Variants in TMCC3 observed in about 807,000 individuals in gnomAD.
The protein encoded by TMCC3 is transmembrane and coiled-coil domain protein 3.
Under a neutral mutation model 40.2 loss-of-function variants are expected in TMCC3, and 28 were observed. That is an observed-to-expected ratio of 0.70 (90% CI 0.52 to 0.95). The LOEUF (loss-of-function observed/expected upper bound fraction) is 0.95, where lower values mean the gene tolerates loss of function less well. Ranked by LOEUF, TMCC3 falls within the 40% of genes least tolerant of loss-of-function variation. The pLI is 0.00. For synonymous variants in TMCC3, 255 were observed against 248.5 expected (o/e 1.03, Z -0.25); for missense variants, 554 against 615.2 (o/e 0.90, Z 1.05).
intron 2 of TMCC3, among the ~76,000 whole-genome samples, chr12:94,580,489 C>T (rs2068593585): frequency 6.6e-6 from 1 of 152,132 alleles, no homozygotes; most frequent in African/African-American, 2.4e-5. Flanking sequence ...AATCCCAGCA[C>T]TTTGGGAGGA....
intron 1 of TMCC3, among the ~76,000 whole-genome samples, chr12:94,607,780 T>C (rs780458427): frequency 6.6e-5 from 10 of 152,240 alleles, no homozygotes; most frequent in Non-Finnish European, 1.3e-4. Flanking sequence ...GTACCCTTGA[T>C]TAATCTGACT....
chr12:94,600,102 C>G (rs757641835), intron 1 of TMCC3, among the ~76,000 whole-genome samples: 2 of 152,036 alleles, frequency 1.3e-5, no homozygotes, highest in Non-Finnish European at 2.9e-5. Context: ...TGCTTGGAAG[C>G]TTGTTTTTAC....
rs76331946 is a variant in TMCC3 at position 94,616,319 on chromosome 12, C to T, written c.79-33781G>A. The stretch of plus-strand genomic sequence containing the variant: ...CATTCAGTCTGGTACTCTCTCTTTA[C>T]CAATAAGGAAATGGGCTCGGCTCAA... On this transcript the variant is annotated intron_variant, in intron 1 of 3. Transcript: ENST00000261226. 457 of 153,992 alleles carry T rather than the reference C, an allele frequency of 3.0e-3. 3 individuals are homozygous for T. The highest frequency in any genetic ancestry group is 9.9e-3 in the African/African-American group (411 of 41,612). The allele number at this position is 153,992 out of a possible 1,614,324, so 9.5% of individuals were successfully genotyped here. A position where few individuals can be genotyped will look rare whatever the true frequency, so the allele number is the denominator to read the frequency against.
chr12:94,603,003 C>G (rs917756328), intron 1 of TMCC3, among the ~76,000 whole-genome samples: 43 of 152,320 alleles, frequency 2.8e-4, no homozygotes, highest in African/African-American at 9.4e-4. Flanking sequence ...GCATCCTGCA[C>G]GCAAAATGCC....
intron 1 of TMCC3, among the ~76,000 whole-genome samples, chr12:94,593,052 T>A (rs1346627109): frequency 6.6e-6 from 1 of 151,182 alleles, no homozygotes; most frequent in Non-Finnish European, 1.5e-5. Context: ...GAAAAATTAG[T>A]CAGGCATGGT....
rs1415372613 is a variant in TMCC3, at chr12:94,582,089, A to G, written c.528T>C (p.Thr176=). The G allele has an allele frequency of 2.5e-6, 4 of 1,614,196 alleles. No individual in the cohort carries two copies. Among genetic ancestry groups the G allele is most frequent in the Non-Finnish European group, 3.4e-6 (4 of 1,180,032 alleles). The change falls in exon 2 of 4, where the codon ACT becomes ACC. Residue 176 remains threonine (T), a synonymous_variant. Transcript: ENST00000261226. ...SLKDAHVKSR[T]APHCMESSKS... ...TGCTGCTCTCCATGCAATGGGGGGC[A>G]GTTCGAGATTTCACGTGGGCATCTT...
chr12:94,640,541 GAAT>G (rs930796191), intron 1 of TMCC3, among the ~76,000 whole-genome samples: 8 of 152,134 alleles, frequency 5.3e-5, no homozygotes, highest in African/African-American at 1.9e-4. Context: ...TATATAGCTA[GAAT>G]AATGACACTG....
intron 2 of TMCC3, among the ~76,000 whole-genome samples, chr12:94,579,446 G>T (rs2068587186): frequency 6.6e-6 from 1 of 152,224 alleles, no homozygotes. Context: ...GGTGGAGGCT[G>T]CAGTGAGCCC....
At chr12:94,587,782 C>T (rs1365825982) in intron 1 of TMCC3, among the ~76,000 whole-genome samples, 1 of 152,086 alleles carries the variant, frequency 6.6e-6, no homozygotes, top group Non-Finnish European at 1.5e-5. Context: ...ACCTTTGCAC[C>T]GTGGGGTTAT....
At chr12:94,605,183 G>T (rs1379347587) in intron 1 of TMCC3, among the ~76,000 whole-genome samples, 1 of 152,168 alleles carries the variant, frequency 6.6e-6, no homozygotes, top group East Asian at 1.9e-4. Context: ...ACCTGACCAT[G>T]CAGACAAGGG....
chr12:94,586,305 T>C (rs1039065602), intron 1 of TMCC3, among the ~76,000 whole-genome samples: 1 of 152,258 alleles, frequency 6.6e-6, no homozygotes, highest in African/African-American at 2.4e-5. Flanking sequence ...GAACACATTG[T>C]GTGACCAGCA....
intron 1 of TMCC3, chr12:94,610,134 T>C (rs1277933707): frequency 6.6e-6 from 1 of 152,172 alleles, no homozygotes. Context: ...AACGACCTAC[T>C]CTGTATAAGG....
Position 94,650,434 on chromosome 12 carries a change from C to A in TMCC3, c.-4G>T. 1 of 1,288,968 alleles carries A rather than the reference C, an allele frequency of 7.8e-7. No homozygotes were observed. The allele number at this position is 1,288,968 out of a possible 1,614,324, so 79.8% of individuals were successfully genotyped here. A position where few individuals can be genotyped will look rare whatever the true frequency, so the allele number is the denominator to read the frequency against. On this transcript the variant is annotated 5_prime_UTR_variant, in exon 1 of 4. Transcript: ENST00000261226. ...GCGCCGTGTCGCTGCCCGGCATCTC[C>A]GCGCTCCGGCCGCGAACTTTCCCGT...
intron 1 of TMCC3, among the ~76,000 whole-genome samples, chr12:94,606,370 C>CT (rs11361924): frequency 0.24 from 33,252 of 141,382 alleles, 4,056 homozygotes; most frequent in South Asian, 0.35. Flanking sequence ...TTTTCTTATT[C>CT]TTTTTTTTTT....
chr12:94,619,761 A>C (rs1454571196), intron 1 of TMCC3, among the ~76,000 whole-genome samples: 1 of 152,242 alleles, frequency 6.6e-6, no homozygotes, highest in Non-Finnish European at 1.5e-5. Flanking sequence ...AACATGAAAA[A>C]ACATCATCCT....
In TMCC3 at chr12:94,582,658, C is replaced by G. The variant is rs1237987862; in HGVS notation, c.79-120G>C. The stretch of plus-strand genomic sequence containing the variant: ...TCCCAGTTTTTCGAACTACAAGTGT[C>G]ACGGGATAAAATCCCCCTGCTGTCC... On this transcript the variant is annotated intron_variant, in intron 1 of 3. Transcript: ENST00000261226. The G allele has an allele frequency of 5.4e-6, 5 of 921,180 alleles. No homozygotes were observed. In the African/African-American group the frequency reaches 8.4e-5, roughly 15 times the overall value. 57.1% of individuals were successfully genotyped at this position (921,180 alleles called of 1,614,324 possible).
rs377647381 is a variant in TMCC3 at position 94,571,615 on chromosome 12, G to T, written c.1254C>A (p.Ile418=). The change falls in exon 4 of 4, where the codon ATC becomes ATA. Residue 418 remains isoleucine, a synonymous_variant. Coordinates refer to ENST00000261226, the MANE Select transcript of TMCC3 (RefSeq NM_020698.4). ...KVLLGRCINV[I]LAFMTVILVC... ...CTAAGATGACAGTCATGAAGGCCAG[G>T]ATCACGTTGATGCACCTCCCCAGGA... 1.9e-5 allele frequency: 30 copies of T among 1,614,078 alleles called. No individual in the cohort carries two copies. The highest frequency in any genetic ancestry group is 2.7e-5 in the African/African-American group (2 of 74,922).
At chr12:94,597,058 T>C (rs2068718801) in intron 1 of TMCC3, among the ~76,000 whole-genome samples, 1 of 141,860 alleles carries the variant, frequency 7.0e-6, no homozygotes, top group Admixed American at 7.2e-5. Flanking sequence ...GGCAGGAGGA[T>C]CACTGGAGCC....
chr12:94,585,701 CAAACA>C (rs2068634678), intron 1 of TMCC3, among the ~76,000 whole-genome samples: 1 of 151,100 alleles, frequency 6.6e-6, no homozygotes, highest in African/African-American at 2.4e-5. Context: ...AACAAACAAA[CAAACA>C]AAACCCATTT....
Sources: gnomAD v4.1 joint callset for allele counts (sites outside exome capture counted in the v4.1 genomes callset) on GRCh38, gnomAD v4.1.1 for gene constraint, MANE v1.5 for transcripts, NCBI Gene and HGNC (gene_info 2026-07-23, HGNC 2026-07-21) for gene names.